The following AMZ1 variants were observed in gnomAD, a reference collection of about 807,000 sequenced individuals.
AMZ1 encodes archaelysin family metallopeptidase 1.
A neutral mutation model predicts 29.9 loss-of-function variants in AMZ1; 39 were observed. The observed-to-expected ratio is 1.30, with a 90% CI of 1.01 to 1.70. AMZ1 has a LOEUF of 1.70. Ranked by LOEUF, AMZ1 falls within the 40% of genes most tolerant of loss-of-function variation. AMZ1 has a pLI of 0.00. For synonymous variants in AMZ1, 458 were observed against 304.0 expected, an observed-to-expected ratio of 1.51 and a Z score of -5.27; for missense variants, 1,041 against 680.6, an observed-to-expected ratio of 1.53 and a Z score of -5.89.
intron 1 of AMZ1, chr7:2,765,092 C>G (rs1453046699): frequency 6.6e-6 from 1 of 152,004 alleles, no homozygotes; most frequent in Admixed American, 6.6e-5. Flanking sequence ...AATTTTAATC[C>G]TTGACATTCA....
chr7:2,721,829 A>C (rs2115245506), downstream of AMZ1, among the ~76,000 whole-genome samples: 1 of 152,356 alleles, frequency 6.6e-6, no homozygotes, highest in East Asian at 1.9e-4. Context: ...GTGTAATTTA[A>C]GGCACATTTT....
chr7:2,720,336 C>T (rs1437331661), downstream of AMZ1, among the ~76,000 whole-genome samples: 2 of 152,326 alleles, frequency 1.3e-5, no homozygotes, highest in Admixed American at 6.5e-5. Flanking sequence ...TCAGGGTGAA[C>T]ACTTTTTATG....
At chr7:2,681,516 C>T (rs1786883341) in intron 1 of AMZ1, among the ~76,000 whole-genome samples, 1 of 152,174 alleles carries the variant, frequency 6.6e-6, no homozygotes, top group Non-Finnish European at 1.5e-5. Context: ...CCGCCTTGCC[C>T]TCTCAAAGTG....
Position 2,714,502 on chromosome 7 carries a change from G to A in AMZ1, c.*1624G>A, listed in dbSNP as rs1789004639. 6.6e-6 allele frequency: 1 copy of A among 152,358 alleles called. No homozygotes were observed. Among genetic ancestry groups the A allele is most frequent in the African/African-American group, 2.4e-5 (1 of 41,432 alleles). The allele number at this position is 152,358 out of a possible 1,614,324, so 9.4% of individuals were successfully genotyped here. ...AAAAGGCGTAACAGTGACCTGGGAGGGGAGATGAAGAGCTAGGCCTTTCAG... is the reference window on the plus strand; with the variant it reads ...AAAAGGCGTAACAGTGACCTGGGAGAGGAGATGAAGAGCTAGGCCTTTCAG... On this transcript the variant is annotated 3_prime_UTR_variant, in exon 7 of 7. Coordinates refer to ENST00000683327, the MANE Select transcript of AMZ1 (RefSeq NM_001384743.1).
chr7:2,744,187 C>T (rs1344568740), intron 4 of AMZ1, among the ~76,000 whole-genome samples: 8 of 152,224 alleles, frequency 5.3e-5, no homozygotes, highest in East Asian at 1.9e-4. Context: ...TCTCCCAGCA[C>T]GCAGCTGGAG....
chr7:2,712,822 C>T lies in AMZ1; in HGVS notation c.1441C>T (p.Arg481Ter), dbSNP rs145687592. The T allele has an allele frequency of 2.8e-3, 4,278 of 1,535,936 alleles. 14 individuals carry two copies. The highest frequency in any genetic ancestry group is 3.4e-3 in the Non-Finnish European group (3,917 of 1,139,544). The part of the protein sequence containing the change: ...FSSLRRKLSA[R>*]KLARAESAPR... ...CTCCCTGAGGAGGAAGCTGAGTGCC[C>T]GAAAACTCGCCAGAGCAGAGTCGGC... Residue 481 changes from arginine (R) to a stop codon, truncating the protein, a stop_gained, in exon 7 of 7, where the codon CGA becomes TGA. Transcript: ENST00000683327. LOFTEE classifies it low-confidence loss of function (END_TRUNC).
chr7:2,691,678 C>A (rs1335123203), intron 1 of AMZ1, among the ~76,000 whole-genome samples: 3 of 135,344 alleles, frequency 2.2e-5, no homozygotes, highest in Non-Finnish European at 4.5e-5. Context: ...TTGCAGTGAG[C>A]CGAGATTGCG....
upstream of AMZ1, chr7:2,763,365 G>C (rs34526419): frequency 2.4e-3 from 362 of 154,032 alleles, 3 homozygotes; most frequent in East Asian, 0.044. Context: ...TTGCTTCATC[G>C]GGCGGAGAAG....
Position 2,713,290 on chromosome 7 carries a change from G to A in AMZ1, c.*412G>A, listed in dbSNP as rs79419578. Reference sequence around the variant, plus strand: ...AGCCACAGACCACCTGTCTTCAGGCGCCTCCTTCAACTCCTGAGTCCCAGC... The same window carrying A: ...AGCCACAGACCACCTGTCTTCAGGCACCTCCTTCAACTCCTGAGTCCCAGC... On this transcript the variant is annotated 3_prime_UTR_variant, in exon 7 of 7. Transcript: ENST00000683327. 1,566 of 154,356 alleles carry A rather than the reference G, an allele frequency of 0.01. 23 individuals are homozygous for A. Among genetic ancestry groups the A allele is most frequent in the African/African-American group, 0.035 (1,456 of 41,592 alleles). The allele number at this position is 154,356 out of a possible 1,614,324, so 9.6% of individuals were successfully genotyped here. A position where few individuals can be genotyped will look rare whatever the true frequency, so the allele number is the denominator to read the frequency against.
rs1017851386 is a variant in AMZ1, at chr7:2,715,625, G to A, written c.*2747G>A. 2 of 152,228 alleles carry A rather than the reference G, an allele frequency of 1.3e-5. No homozygotes were observed. Among genetic ancestry groups the A allele is most frequent in the African/African-American group, 2.4e-5 (1 of 41,460 alleles). 9.4% of individuals were successfully genotyped at this position (152,228 alleles called of 1,614,324 possible). A position where few individuals can be genotyped will look rare whatever the true frequency, so the allele number is the denominator to read the frequency against. On this transcript the variant is annotated 3_prime_UTR_variant, in exon 7 of 7. Coordinates refer to ENST00000683327, the MANE Select transcript of AMZ1 (RefSeq NM_001384743.1). Reference sequence around the variant, plus strand: ...AGCGTTTACCAACTTGCAGATGTCAGTGAAATTTTTTAAGACAGCTGTTAG... The same window carrying A: ...AGCGTTTACCAACTTGCAGATGTCAATGAAATTTTTTAAGACAGCTGTTAG...
At chr7:2,696,485 C>T (rs1332350436) in intron 1 of AMZ1, among the ~76,000 whole-genome samples, 3 of 151,066 alleles carry the variant, frequency 2.0e-5, no homozygotes, top group Non-Finnish European at 3.0e-5. Flanking sequence ...TCTCGATCTC[C>T]TGACCTCGTG....
intron 1 of AMZ1, among the ~76,000 whole-genome samples, chr7:2,699,564 A>G (rs1048511021): frequency 6.6e-6 from 1 of 150,382 alleles, no homozygotes; most frequent in African/African-American, 2.4e-5. Context: ...CTGGGCGCAC[A>G]GGGACCTGCT....
At chr7:2,710,260 A>G (rs577294355) in intron 6 of AMZ1, among the ~76,000 whole-genome samples, 2 of 152,352 alleles carry the variant, frequency 1.3e-5, no homozygotes, top group Admixed American at 1.3e-4. Context: ...GGTGGCCTCC[A>G]TTCCTAACTC....
chr7:2,751,915 T>A (rs566124031), intron 4 of AMZ1, among the ~76,000 whole-genome samples: 1 of 152,088 alleles, frequency 6.6e-6, no homozygotes, highest in Non-Finnish European at 1.5e-5. Context: ...GACCTCACTA[T>A]CAAACACGTA....
chr7:2,735,784 G>A (rs1051106533), intron 4 of AMZ1, among the ~76,000 whole-genome samples: 1 of 152,172 alleles, frequency 6.6e-6, no homozygotes, highest in Admixed American at 6.5e-5. Flanking sequence ...CTAGTTTCAT[G>A]TCAGGGCGGC....
At position 2,740,820 on chromosome 7, in the gene AMZ1, G is replaced by A. The variant is rs150764843; in HGVS notation, n.551-23892G>A. On this transcript the variant is annotated intron_variant and non_coding_transcript_variant, in intron 4 of 4. Coordinates refer to the AMZ1 transcript ENST00000489665. ...AGCACTTTGGGAGGCCGAGGCGGAC[G>A]GATCACGAGGTCGAGAGATCTAGAC... is the stretch of plus-strand genomic sequence containing the variant. 5.1e-4 allele frequency among the ~76,000 whole-genome samples: 78 copies of A among 152,278 alleles called. 2 individuals are homozygous for A. The East Asian group carries it at 9.6e-3, about 19-fold the overall frequency.
chr7:2,757,811 C>A (rs531216254), intron 4 of AMZ1, among the ~76,000 whole-genome samples: 9 of 152,248 alleles, frequency 5.9e-5, no homozygotes, highest in African/African-American at 2.2e-4. Context: ...ACGTACTGAA[C>A]GCTTGCTGAG....
chr7:2,689,168 G>A (rs1206262841), intron 1 of AMZ1, among the ~76,000 whole-genome samples: 2 of 152,244 alleles, frequency 1.3e-5, no homozygotes, highest in Non-Finnish European at 2.9e-5. Flanking sequence ...ATAGCTCGAT[G>A]CAGCTGCTGG....
intron 1 of AMZ1, among the ~76,000 whole-genome samples, chr7:2,682,035 C>T (rs995103596): frequency 4.6e-5 from 7 of 152,190 alleles, no homozygotes; most frequent in Admixed American, 1.3e-4. Flanking sequence ...GCACTGAGCG[C>T]GCCCCCAGCT....
Sources: gnomAD v4.1 joint callset for allele counts (sites outside exome capture counted in the v4.1 genomes callset) on GRCh38, gnomAD v4.1.1 for gene constraint, MANE v1.5 for transcripts, NCBI Gene and HGNC (gene_info 2026-07-23, HGNC 2026-07-21) for gene names.